Variants in MILR1 observed in about 807,000 individuals in gnomAD.
The protein encoded by MILR1 is mast cell immunoglobulin like receptor 1.
MILR1 carries 31 observed loss-of-function variants against 18.5 expected under a neutral mutation model. That is an observed-to-expected ratio of 1.68 (90% confidence interval 1.26 to 2.26). MILR1 has a LOEUF of 2.26. MILR1 is among the 30% of genes most tolerant of loss of function. The pLI is 0.00. For synonymous variants in MILR1, 85 were observed against 56.2 expected (o/e 1.51, Z -2.30); for missense variants, 257 against 157.4 (o/e 1.63, Z -3.38).
the MILR1 span, among the ~76,000 whole-genome samples, chr17:64,475,052 G>A: frequency 1.3e-5 from 2 of 151,850 alleles, no homozygotes; most frequent in East Asian, 3.9e-4. Context: ...AACCACGTGT[G>A]GTAGCAGGCG....
At chr17:64,497,160 G>GACGCCGGC in the MILR1 span, 1 of 661,314 alleles carries the variant, frequency 1.5e-6, no homozygotes, top group East Asian at 2.7e-5. Context: ...CACCATGGCG[G>GACGCCGGC]ACGCCGGCTC....
At chr17:64,488,902 G>A in the MILR1 span, among the ~76,000 whole-genome samples, 6 of 151,824 alleles carry the variant, frequency 4.0e-5, no homozygotes, top group African/African-American at 1.5e-4. Flanking sequence ...TGGGAATCGC[G>A]ACACTGCACT....
chr17:64,485,383 C>G, the MILR1 span: 1 of 294,646 alleles, frequency 3.4e-6, no homozygotes, highest in Non-Finnish European at 6.5e-6. Flanking sequence ...ACAGGTCTCC[C>G]TGATCCGGGT....
downstream of MILR1, among the ~76,000 whole-genome samples, chr17:64,469,483 C>T (rs944939808): frequency 7.2e-5 from 11 of 152,090 alleles, no homozygotes; most frequent in Admixed American, 3.3e-4. Context: ...CTGCAACCTC[C>T]GCCTCCCGGA....
chr17:64,463,975 C>A (rs113837242), intron 5 of MILR1, among the ~76,000 whole-genome samples: 3 of 151,938 alleles, frequency 2.0e-5, no homozygotes, highest in Admixed American at 1.3e-4. Flanking sequence ...AGGCGCCCAC[C>A]ACCACGCTAG....
At chr17:64,485,795 G>T in the MILR1 span, 1 of 1,612,186 alleles carries the variant, frequency 6.2e-7, no homozygotes, top group East Asian at 2.2e-5. Flanking sequence ...ATAGAGGTAG[G>T]CCAGCATGCC....
At chr17:64,485,917 G>A in the MILR1 span, 3 of 1,594,072 alleles carry the variant, frequency 1.9e-6, no homozygotes, top group African/African-American at 4.0e-5. Context: ...AACTTTTTTT[G>A]TTTGTTTGTT....
At chr17:64,458,973 G>T (rs1315256127) in intron 4 of MILR1, among the ~76,000 whole-genome samples, 1 of 152,202 alleles carries the variant, frequency 6.6e-6, no homozygotes, top group Non-Finnish European at 1.5e-5. Flanking sequence ...AGGCCCCTTA[G>T]GGTGCAGGTC....
At chr17:64,491,997 G>A in the MILR1 span, among the ~76,000 whole-genome samples, 1 of 150,888 alleles carries the variant, frequency 6.6e-6, no homozygotes, top group Admixed American at 6.6e-5. Context: ...TGAAAATACT[G>A]AGTATATTGC....
the MILR1 span, chr17:64,496,848 C>T: frequency 1.2e-6 from 2 of 1,613,870 alleles, no homozygotes; most frequent in Non-Finnish European, 8.5e-7. Flanking sequence ...ACATGCCCTC[C>T]TTTGGGGCTA....
At chr17:64,495,358 T>C in the MILR1 span, among the ~76,000 whole-genome samples, 4 of 152,042 alleles carry the variant, frequency 2.6e-5, no homozygotes, top group Admixed American at 1.3e-4. Flanking sequence ...GATGGGCGGA[T>C]TGCTTAAGCT....
chr17:64,479,060 T>C, the MILR1 span, among the ~76,000 whole-genome samples: 9 of 152,030 alleles, frequency 5.9e-5, no homozygotes, highest in Non-Finnish European at 1.5e-5. Flanking sequence ...GCTCAAAGGA[T>C]AAGAATTGAG....
At chr17:64,471,927 T>C (rs1007030486), downstream of MILR1, among the ~76,000 whole-genome samples, 2 of 152,204 alleles carry the variant, frequency 1.3e-5, no homozygotes, top group Non-Finnish European at 2.9e-5. Context: ...ATTCAACATA[T>C]TGTAAAAACT....
the MILR1 span, among the ~76,000 whole-genome samples, chr17:64,490,072 A>C: frequency 6.6e-6 from 1 of 152,056 alleles, no homozygotes; most frequent in East Asian, 1.9e-4. Flanking sequence ...CTATAAGGGC[A>C]AGCCACCACA....
the MILR1 span, among the ~76,000 whole-genome samples, chr17:64,475,636 T>C: frequency 3.5e-3 from 421 of 121,310 alleles, 1 homozygote; most frequent in African/African-American, 0.014. Context: ...GCAACAAGAG[T>C]GAAACTCCAA....
the MILR1 span, chr17:64,491,112 T>A: frequency 1.4e-6 from 1 of 702,828 alleles, no homozygotes. Context: ...ATACAAATTT[T>A]AAAGTTTATT....
In MILR1 at chr17:64,466,615, T is replaced by C; in HGVS notation, c.932T>C (p.Leu311Pro). The C allele has an allele frequency of 1.9e-6, 3 of 1,611,330 alleles. No individual in the cohort carries two copies. The highest frequency in any genetic ancestry group is 2.5e-6 in the Non-Finnish European group (3 of 1,178,746). Residue 311 changes from leucine to proline, a missense_variant, in exon 8 of 10, where the codon CTA (leucine) becomes CCA (proline). Coordinates refer to ENST00000619286, the MANE Select transcript of MILR1 (RefSeq NM_001085423.2). Reference sequence around the variant, plus strand: ...CCAGAGGCCAAACACTCCCAGGAGCTACAGTATGCCACCCCCGTGTTCCAG... The same window carrying C: ...CCAGAGGCCAAACACTCCCAGGAGCCACAGTATGCCACCCCCGTGTTCCAG... The part of the protein sequence containing the change: ...AQDEAKHSQE[L>P]QYATPVFQEV...
chr17:64,462,525 C>T (rs2037454450), intron 5 of MILR1, among the ~76,000 whole-genome samples: 1 of 151,984 alleles, frequency 6.6e-6, no homozygotes, highest in Admixed American at 6.6e-5. Context: ...ATCCCATTAG[C>T]ACAAAAGACA....
chr17:64,449,454 C>T (rs1199771764), intron 2 of MILR1, 99 bp downstream of exon 2: 28 of 412,926 alleles, frequency 6.8e-5, no homozygotes, highest in Non-Finnish European at 1.1e-4. Flanking sequence ...TGTTTCTGAG[C>T]TTTTATGAAC....
Sources: allele counts gnomAD v4.1 joint callset (sites outside exome capture counted in the v4.1 genomes callset), GRCh38; gene constraint gnomAD v4.1.1; transcripts MANE v1.5; gene names NCBI Gene and HGNC (gene_info 2026-07-23, HGNC 2026-07-21).